The following ARHGEF4 variants were observed in gnomAD, a reference collection of about 807,000 sequenced individuals.
The protein encoded by ARHGEF4 is APC-stimulated guanine nucleotide exchange factor 1.
ARHGEF4 carries 119 observed loss-of-function variants against 162.0 expected under a neutral mutation model. That is an observed-to-expected ratio of 0.73 (90% CI 0.63 to 0.86). ARHGEF4 has a LOEUF of 0.86. Ranked by LOEUF, ARHGEF4 falls within the 40% of genes least tolerant of loss-of-function variation. ARHGEF4 has a pLI of 0.00. For missense variants in ARHGEF4, 2,488 were observed against 2,456.0 expected (o/e 1.01, Z -0.28); for synonymous variants, 1,014 against 979.9 (o/e 1.03, Z -0.65).
At chr2:130,849,245 T>C (rs1574092269) in intron 1 of ARHGEF4, among the ~76,000 whole-genome samples, 1 of 152,190 alleles carries the variant, frequency 6.6e-6, no homozygotes, top group Admixed American at 6.5e-5. Flanking sequence ...CTGGGGAGCG[T>C]TGGGGCAAGA....
At chr2:130,891,699 G>T (rs985270784) in intron 1 of ARHGEF4, among the ~76,000 whole-genome samples, 1 of 152,110 alleles carries the variant, frequency 6.6e-6, no homozygotes, top group African/African-American at 2.4e-5. Context: ...GCACGTCCCT[G>T]GCGTCTCTTC....
At chr2:130,877,859 G>A (rs568308094) in intron 1 of ARHGEF4, among the ~76,000 whole-genome samples, 1 of 152,314 alleles carries the variant, frequency 6.6e-6, no homozygotes, top group South Asian at 2.1e-4. Context: ...TCAGCGCCAT[G>A]GGGTTGGGGA....
Position 131,046,232 on chromosome 2 carries a change from T to C in ARHGEF4, c.*43T>C. 1.9e-6 allele frequency: 3 copies of C among 1,569,474 alleles called. No homozygotes were observed. Among genetic ancestry groups the C allele is most frequent in the African/African-American group, 1.4e-5 (1 of 74,072 alleles). On this transcript the variant is annotated 3_prime_UTR_variant, in exon 14 of 14. Transcript: ENST00000409359. Reference sequence around the variant, plus strand: ...AGCACCTGCTGGGCCTTCCTGCCAGTGGCCCCCAGTTTTTCTTCCCCGAGG... The same window carrying C: ...AGCACCTGCTGGGCCTTCCTGCCAGCGGCCCCCAGTTTTTCTTCCCCGAGG...
intron 2 of ARHGEF4, among the ~76,000 whole-genome samples, chr2:130,921,472 G>T (rs924627052): frequency 1.3e-4 from 20 of 152,072 alleles, no homozygotes; most frequent in Non-Finnish European, 2.9e-5. Flanking sequence ...GTCCTTGGGG[G>T]ATGCATATCT....
At chr2:130,842,878 T>C (rs1680701436) in intron 1 of ARHGEF4, among the ~76,000 whole-genome samples, 1 of 152,112 alleles carries the variant, frequency 6.6e-6, no homozygotes, top group African/African-American at 2.4e-5. Flanking sequence ...CTTGGCAGGT[T>C]GGGGGTAGCT....
intron 1 of ARHGEF4, among the ~76,000 whole-genome samples, chr2:130,876,454 CG>C (rs1559014230): frequency 1.3e-5 from 2 of 152,148 alleles, no homozygotes; most frequent in Non-Finnish European, 2.9e-5. Context: ...TGCAGTGGCG[CG>C]ATCTCGGCTC....
intron 1 of ARHGEF4, among the ~76,000 whole-genome samples, chr2:130,839,018 T>C (rs1403838800): frequency 6.6e-6 from 1 of 152,118 alleles, no homozygotes; most frequent in Non-Finnish European, 1.5e-5. Flanking sequence ...CTCAGGTCCC[T>C]GTAGGTCCTG....
At chr2:130,842,218 G>A (rs1680659792) in intron 1 of ARHGEF4, among the ~76,000 whole-genome samples, 1 of 152,198 alleles carries the variant, frequency 6.6e-6, no homozygotes, top group African/African-American at 2.4e-5. Flanking sequence ...AGAGAGAGGA[G>A]CAAGGGTTCA....
At chr2:131,007,208 C>G (rs1340983464) in intron 4 of ARHGEF4, among the ~76,000 whole-genome samples, 1 of 152,202 alleles carries the variant, frequency 6.6e-6, no homozygotes, top group Non-Finnish European at 1.5e-5. Context: ...TGATCCCTGA[C>G]TGTCCCCAGC....
intron 4 of ARHGEF4, chr2:131,011,858 T>C: frequency 2.8e-6 from 2 of 709,472 alleles, no homozygotes; most frequent in Non-Finnish European, 5.1e-6. Context: ...CTTGTGTCAC[T>C]CCGTGAAGTG....
intron 4 of ARHGEF4, among the ~76,000 whole-genome samples, chr2:130,995,032 C>T (rs572957842): frequency 6.6e-6 from 1 of 152,368 alleles, no homozygotes; most frequent in Non-Finnish European, 1.5e-5. Context: ...TTTTACTCAG[C>T]TTACAGTCCA....
intron 2 of ARHGEF4, among the ~76,000 whole-genome samples, chr2:130,926,710 G>T (rs1682309257): frequency 6.6e-6 from 1 of 150,850 alleles, no homozygotes; most frequent in South Asian, 2.1e-4. Context: ...CCGATAGCTT[G>T]GTGTAAGAGT....
intron 1 of ARHGEF4, among the ~76,000 whole-genome samples, chr2:130,864,059 G>T (rs1331194542): frequency 6.6e-6 from 1 of 151,146 alleles, no homozygotes; most frequent in Non-Finnish European, 1.5e-5. Flanking sequence ...GGTGGCGGGC[G>T]CCTGTAGTCC....
chr2:130,867,821 A>C (rs1334720831), intron 1 of ARHGEF4, among the ~76,000 whole-genome samples: 1 of 151,670 alleles, frequency 6.6e-6, no homozygotes, highest in Non-Finnish European at 1.5e-5. Flanking sequence ...CCCCGGTCCC[A>C]CTGCTGCTGT....
chr2:130,975,289 T>G (rs1438655204), intron 4 of ARHGEF4, among the ~76,000 whole-genome samples: 2 of 152,200 alleles, frequency 1.3e-5, no homozygotes, highest in Admixed American at 1.3e-4. Context: ...CTTGGGGCCT[T>G]CCAGACCCTG....
intron 5 of ARHGEF4, among the ~76,000 whole-genome samples, chr2:131,031,943 C>A (rs1449794588): frequency 6.6e-6 from 1 of 152,330 alleles, no homozygotes; most frequent in South Asian, 2.1e-4. Context: ...CCACCACCAC[C>A]GTGTGGGCAG....
In ARHGEF4 at chr2:130,916,451, G is replaced by T; in HGVS notation, c.2505G>T (p.Glu835Asp). 1 of 1,541,652 alleles carries T rather than the reference G, an allele frequency of 6.5e-7. No individual in the cohort carries two copies. The highest frequency in any genetic ancestry group is 8.7e-7 in the Non-Finnish European group (1 of 1,145,768). Residue 835 changes from glutamate (E) to aspartate (D), a missense_variant, in exon 2 of 14, where the codon GAG becomes GAT. Physicochemically the swap from Glu to Asp is conservative, Grantham distance 45. Transcript: ENST00000409359. ...CAGGCCCCGAGGGGCTCCCCAGGGA[G>T]AATCCGCCCGCTGCGGCCGGTCGGG... is the stretch of plus-strand genomic sequence containing the variant. Reference protein sequence around the residue: ...GSSGPEGLPRENPPAAAGRDA... With the variant: ...GSSGPEGLPRDNPPAAAGRDA...
intron 4 of ARHGEF4, among the ~76,000 whole-genome samples, chr2:130,956,333 AG>A (rs1684271642): frequency 6.6e-6 from 1 of 152,044 alleles, no homozygotes; most frequent in Non-Finnish European, 1.5e-5. Context: ...GGTGCTGGAG[AG>A]GATGTGGAGA....
rs1285076197 is a variant in ARHGEF4, at chr2:131,044,367, C to T, written c.5226C>T (p.Asp1742=). The T allele has an allele frequency of 1.2e-6, 2 of 1,602,250 alleles. No individual in the cohort carries two copies. Among genetic ancestry groups the T allele is most frequent in the Non-Finnish European group, 1.7e-6 (2 of 1,174,778 alleles). ...RLDMDGLEVV[D]LEDGKDRDLH... ...ACATGGACGGCCTGGAGGTGGTGGACCTGGAGGACGGGAAGGACAGAGACC... is the reference window on the plus strand; with the variant it reads ...ACATGGACGGCCTGGAGGTGGTGGATCTGGAGGACGGGAAGGACAGAGACC... The change falls in exon 12 of 14, where the codon GAC becomes GAT. Residue 1742 remains aspartate (D), a synonymous_variant. Transcript: ENST00000409359.
Sources: allele counts gnomAD v4.1 joint callset (sites outside exome capture counted in the v4.1 genomes callset), GRCh38; gene constraint gnomAD v4.1.1; transcripts MANE v1.5; gene names NCBI Gene and HGNC (gene_info 2026-07-23, HGNC 2026-07-21).